The following POLR1D variants were observed in gnomAD, a reference collection of about 807,000 sequenced individuals.
POLR1D encodes DNA-directed RNA polymerases I and III subunit RPAC2.
In POLR1D, 8 loss-of-function variants were observed where a neutral mutation model predicts 10.8. The ratio of observed to expected loss-of-function variants is 0.74; its 90% CI spans 0.43 to 1.33. The LOEUF (loss-of-function observed/expected upper bound fraction) is 1.33. Ranked by LOEUF, POLR1D falls within the 40% of genes most tolerant of loss-of-function variation. The pLI, the probability that POLR1D is intolerant of heterozygous loss-of-function variation, is 0.01. For synonymous variants in POLR1D, 54 were observed against 57.2 expected (o/e 0.94, Z 0.25); for missense variants, 152 against 161.7 (o/e 0.94, Z 0.32).
intron 2 of POLR1D, chr13:27,665,075 A>G (rs1271896961): frequency 6.5e-6 from 1 of 153,596 alleles, no homozygotes; most frequent in African/African-American, 2.4e-5. Flanking sequence ...CTGCACAGAA[A>G]TTCACCAGGG....
At chr13:27,629,704 T>C (rs78383219) in intron 1 of POLR1D, among the ~76,000 whole-genome samples, 13,934 of 152,210 alleles carry the variant, frequency 0.092, 769 homozygotes, top group East Asian at 0.25. Flanking sequence ...ATTGTGTTTC[T>C]CCTCTTTTTA....
chr13:27,648,508 A>G (rs1956239885), intron 2 of POLR1D: 2 of 1,088,162 alleles, frequency 1.8e-6, no homozygotes, highest in East Asian at 2.5e-5. Flanking sequence ...TTAGCTGGAG[A>G]TATAAATATG....
intron 1 of POLR1D, among the ~76,000 whole-genome samples, chr13:27,635,346 G>A (rs1302096849): frequency 5.9e-5 from 9 of 152,044 alleles, no homozygotes; most frequent in Non-Finnish European, 1.0e-4. Context: ...TTTTATTCAC[G>A]GATTGAATGA....
chr13:27,648,365 C>G lies in POLR1D; in HGVS notation c.27-14C>G, dbSNP rs539779377. The G allele has an allele frequency of 1.9e-6, 3 of 1,576,038 alleles. No individual in the cohort carries two copies. The South Asian group carries it at 3.3e-5, about 18-fold the overall frequency. ...GGGTGACTGCCTCTCAAATCTTTTCCTTTTTCTTATCAGGAAAGCAATAGA... is the reference window on the plus strand; with the variant it reads ...GGGTGACTGCCTCTCAAATCTTTTCGTTTTTCTTATCAGGAAAGCAATAGA... On this transcript the variant is annotated splice_polypyrimidine_tract_variant and intron_variant, in intron 1 of 2. Coordinates refer to the POLR1D transcript ENST00000399697.
chr13:27,637,791 A>T (rs958840152), intron 1 of POLR1D, among the ~76,000 whole-genome samples: 1 of 151,170 alleles, frequency 6.6e-6, no homozygotes, highest in East Asian at 1.9e-4. Context: ...GTTTTAATAC[A>T]TTAAAAAAAA....
At chr13:27,648,668 G>A (rs1252628683) in intron 2 of POLR1D, among the ~76,000 whole-genome samples, 9 of 152,136 alleles carry the variant, frequency 5.9e-5, no homozygotes, top group African/African-American at 1.2e-4. Flanking sequence ...TGGAGGATAC[G>A]CAGTATAGGT....
chr13:27,656,618 A>C (rs1956310249), intron 2 of POLR1D, among the ~76,000 whole-genome samples: 3 of 152,166 alleles, frequency 2.0e-5, no homozygotes, highest in Admixed American at 6.5e-5. Context: ...AATCCAGTGG[A>C]GATGAAGGGA....
At chr13:27,631,549 A>G (rs543057992) in intron 1 of POLR1D, among the ~76,000 whole-genome samples, 47 of 152,318 alleles carry the variant, frequency 3.1e-4, no homozygotes, top group African/African-American at 1.1e-3. Context: ...CTAAAGTGGC[A>G]TGCACACCCA....
intron 2 of POLR1D, among the ~76,000 whole-genome samples, chr13:27,654,151 C>T (rs991941064): frequency 6.6e-5 from 10 of 152,188 alleles, no homozygotes; most frequent in Admixed American, 6.5e-4. Flanking sequence ...AGATATTCTT[C>T]TTTGATACTA....
At chr13:27,625,735 G>A (rs569849498), downstream of POLR1D, among the ~76,000 whole-genome samples, 2 of 152,192 alleles carry the variant, frequency 1.3e-5, no homozygotes, top group African/African-American at 4.8e-5. Context: ...TTTAAAGTTT[G>A]GGTCAAAGAA....
intron 1 of POLR1D, among the ~76,000 whole-genome samples, chr13:27,631,602 T>G (rs1027197166): frequency 6.6e-6 from 1 of 152,226 alleles, no homozygotes; most frequent in Non-Finnish European, 1.5e-5. Context: ...CCTTGCTATA[T>G]TCCTTCATAG....
At chr13:27,667,255 T>C (rs917902450) in exon 3 of POLR1D, 1 of 152,234 alleles carries the variant, frequency 6.6e-6, no homozygotes, top group Non-Finnish European at 1.5e-5. Context: ...GGAGGAATTA[T>C]TGCTTCATCT....
chr13:27,653,036 T>C (rs113497775), intron 2 of POLR1D, among the ~76,000 whole-genome samples: 22,443 of 149,178 alleles, frequency 0.15, 1,825 homozygotes, highest in African/African-American at 0.2. Flanking sequence ...GTAGCTGGGA[T>C]TACAGGTGCC....
exon 3 of POLR1D, chr13:27,665,995 C>A: frequency 6.3e-7 from 1 of 1,598,218 alleles, no homozygotes; most frequent in Non-Finnish European, 8.6e-7. Flanking sequence ...CCTCCGTGCT[C>A]CTTCGGGGTG....
At chr13:27,664,726 G>C (rs1474905548) in intron 2 of POLR1D, 1 of 152,212 alleles carries the variant, frequency 6.6e-6, no homozygotes, top group Non-Finnish European at 1.5e-5. Flanking sequence ...TTGTTGGCTT[G>C]ATTTTGAAGT....
chr13:27,661,020 C>G (rs563457877), intron 2 of POLR1D: 1 of 152,174 alleles, frequency 6.6e-6, no homozygotes, highest in Non-Finnish European at 1.5e-5. Flanking sequence ...AGGTCTAAAT[C>G]TGTGGAAAGT....
At chr13:27,666,076 GT>G in exon 3 of POLR1D, 1 of 889,352 alleles carries the variant, frequency 1.1e-6, no homozygotes, top group Non-Finnish European at 1.7e-6. Flanking sequence ...GTCCTTTGTT[GT>G]TTTTAAAGAG....
intron 1 of POLR1D, among the ~76,000 whole-genome samples, chr13:27,635,737 T>C (rs112521451): frequency 0.1 from 14,779 of 147,064 alleles, 828 homozygotes; most frequent in Non-Finnish European, 0.11. Context: ...CATACACACA[T>C]ATATATATAT....
At chr13:27,660,959 T>C (rs975002632) in intron 2 of POLR1D, 1 of 152,212 alleles carries the variant, frequency 6.6e-6, no homozygotes, top group Admixed American at 6.5e-5. Context: ...CGATCCTGTG[T>C]CACTCTCAGA....
Sources: allele counts gnomAD v4.1 joint callset (sites outside exome capture counted in the v4.1 genomes callset), GRCh38; gene constraint gnomAD v4.1.1; transcripts MANE v1.5; gene names NCBI Gene and HGNC (gene_info 2026-07-23, HGNC 2026-07-21).